The following PKN2 variants were observed in gnomAD, a reference collection of about 807,000 sequenced individuals.
The protein encoded by PKN2 is serine/threonine-protein kinase N2.
PKN2 carries 38 observed loss-of-function variants against 119.1 expected under a neutral mutation model. That is an observed-to-expected ratio of 0.32 (90% confidence interval 0.25 to 0.42). The LOEUF (loss-of-function observed/expected upper bound fraction) is 0.42. Ranked by LOEUF, PKN2 falls within the 10% of genes least tolerant of loss-of-function variation. The pLI is 1.00. For synonymous variants in PKN2, 390 were observed against 384.9 expected (o/e 1.01, Z -0.15); for missense variants, 850 against 1,165.1 (o/e 0.73, Z 3.94).
In PKN2 at chr1:88,813,641, C is replaced by A. The variant is rs756125213; in HGVS notation, c.2187C>A (p.Thr729=). The A allele has an allele frequency of 6.2e-7, 1 of 1,609,764 alleles. No individual in the cohort carries two copies. The highest frequency in any genetic ancestry group is 1.1e-5 in the South Asian group (1 of 90,302). Residue 729 remains threonine (T), a synonymous_variant, in exon 16 of 22, where the codon ACC becomes ACA. Coordinates refer to ENST00000370521, the MANE Select transcript of PKN2 (RefSeq NM_006256.4). ...FLVNLFACFQ[T]KEHVCFVMEY... ...TGAACCTTTTTGCATGTTTCCAAAC[C>A]AAAGAGCATGTTTGCTTTGTAATGG...
At position 88,833,170 on chromosome 1, in the gene PKN2, A is replaced by T; in HGVS notation, c.2751+13A>T. ...CCCATTTTTCCGGGTAAGTGTGACTATTTAAAATTTTTTATGAAACTAGAG... is the reference window on the plus strand; with the variant it reads ...CCCATTTTTCCGGGTAAGTGTGACTTTTTAAAATTTTTTATGAAACTAGAG... On this transcript the variant is annotated intron_variant, in intron 21 of 21. Transcript: ENST00000370521. 6.2e-7 allele frequency: 1 copy of T among 1,611,452 alleles called. No individual in the cohort carries two copies. Among genetic ancestry groups the T allele is most frequent in the Non-Finnish European group, 8.5e-7 (1 of 1,178,530 alleles).
At position 88,786,226 on chromosome 1, in the gene PKN2, A is replaced by T. The variant is rs776606014; in HGVS notation, c.1281+13A>T. On this transcript the variant is annotated intron_variant, in intron 8 of 21. Coordinates refer to ENST00000370521, the MANE Select transcript of PKN2 (RefSeq NM_006256.4). ...GGAACTGGACAGGGTAAGAGGACTA[A>T]CATTTTACTTGAATTTTAATTATAA... 7.2e-6 allele frequency: 9 copies of T among 1,249,630 alleles called. No homozygotes were observed. Among genetic ancestry groups the T allele is most frequent in the Non-Finnish European group, 9.2e-6 (8 of 866,288 alleles). 77.4% of individuals were successfully genotyped at this position (1,249,630 alleles called of 1,614,324 possible).
rs535440738 is a variant in PKN2, at chr1:88,796,223, T to C, written c.1282-8168T>C. ...CAAACTGATTGAGCATCTGAAAAAT[T>C]TGAAATCCCAAATCCTCCAATGAGC... is the stretch of plus-strand genomic sequence containing the variant. On this transcript the variant is annotated intron_variant, in intron 8 of 21. Transcript: ENST00000370521. Among the ~76,000 whole-genome samples the C allele has an allele frequency of 1.2e-4, 18 of 152,284 alleles. No individual in the cohort carries two copies. The East Asian group carries it at 3.3e-3, about 28-fold the overall frequency.
At chr1:88,790,197 C>T (rs942420141) in intron 8 of PKN2, among the ~76,000 whole-genome samples, 11 of 152,184 alleles carry the variant, frequency 7.2e-5, no homozygotes, top group Admixed American at 5.9e-4. Flanking sequence ...TGAGAACTCT[C>T]TTCTACATTG....
chr1:88,781,622 G>C (rs1315113786), intron 6 of PKN2, among the ~76,000 whole-genome samples: 2 of 152,022 alleles, frequency 1.3e-5, no homozygotes, highest in East Asian at 3.8e-4. Flanking sequence ...ACCTCATAAA[G>C]AAACTTCTAG....
chr1:88,738,675 T>C (rs1436356373), intron 1 of PKN2, among the ~76,000 whole-genome samples: 1 of 152,280 alleles, frequency 6.6e-6, no homozygotes, highest in Non-Finnish European at 1.5e-5. Flanking sequence ...AAGGAAATTT[T>C]GCAGACCTCT....
chr1:88,748,692 T>C (rs1440179359), intron 2 of PKN2, among the ~76,000 whole-genome samples: 2 of 152,104 alleles, frequency 1.3e-5, no homozygotes, highest in African/African-American at 4.8e-5. Context: ...CTCAGCACTT[T>C]GGGAGGTGGA....
chr1:88,760,223 T>A lies in PKN2; in HGVS notation c.351T>A (p.Asp117Glu). The change falls in exon 3 of 22, where the codon GAT becomes GAA. Residue 117 changes from aspartate (D) to glutamate (E), a missense_variant and splice_region_variant. Physicochemically the swap from Asp to Glu is conservative, Grantham distance 45. Around this residue, in one of 9 missense-constraint regions of PKN2, gnomAD observed 350 missense variants for 511.1 expected, o/e 0.68. Transcript: ENST00000370521. ...ATTTTAACAATATTTTATTTACAGA[T>A]TGCCCAAGGACTCCAGATACTCCAA... ...IVVSDPEDIT[D>E]CPRTPDTPNN... 6.6e-7 allele frequency: 1 copy of A among 1,506,552 alleles called. No homozygotes were observed. Among genetic ancestry groups the A allele is most frequent in the Non-Finnish European group, 9.1e-7 (1 of 1,099,620 alleles). The allele number at this position is 1,506,552 out of a possible 1,614,324, so 93.3% of individuals were successfully genotyped here. A position where few individuals can be genotyped will look rare whatever the true frequency, so the allele number is the denominator to read the frequency against.
At chr1:88,794,708 C>T (rs1395334275) in intron 8 of PKN2, among the ~76,000 whole-genome samples, 1 of 152,018 alleles carries the variant, frequency 6.6e-6, no homozygotes, top group African/African-American at 2.4e-5. Flanking sequence ...TTTTTATTAT[C>T]ACAAAGCTAG....
At chr1:88,791,200 G>C (rs1269778032) in intron 8 of PKN2, among the ~76,000 whole-genome samples, 1 of 152,160 alleles carries the variant, frequency 6.6e-6, no homozygotes. Context: ...CACTTCGGCA[G>C]GCCGAAGTGG....
chr1:88,823,530 C>T (rs1050218292), intron 17 of PKN2, among the ~76,000 whole-genome samples: 3 of 151,452 alleles, frequency 2.0e-5, no homozygotes, highest in Non-Finnish European at 4.4e-5. Flanking sequence ...GGTGAAAACC[C>T]ATCTCTACTG....
At chr1:88,738,176 CAAA>C (rs1668429445) in intron 1 of PKN2, among the ~76,000 whole-genome samples, 1 of 146,084 alleles carries the variant, frequency 6.8e-6, no homozygotes, top group Non-Finnish European at 1.5e-5. Context: ...AAAAAACAAA[CAAA>C]CAAAAAAAAA....
chr1:88,780,795 G>A (rs1670305918), intron 6 of PKN2, among the ~76,000 whole-genome samples: 1 of 152,088 alleles, frequency 6.6e-6, no homozygotes, highest in African/African-American at 2.4e-5. Context: ...AAGCATTTCT[G>A]AATGATCCAT....
chr1:88,805,215 A>G (rs1404357904), intron 10 of PKN2, among the ~76,000 whole-genome samples: 1 of 152,088 alleles, frequency 6.6e-6, no homozygotes, highest in Admixed American at 6.6e-5. Flanking sequence ...TGATGTATTC[A>G]TAATTATTAT....
intron 1 of PKN2, among the ~76,000 whole-genome samples, chr1:88,695,155 C>G (rs1026196850): frequency 6.6e-6 from 1 of 152,046 alleles, no homozygotes; most frequent in Non-Finnish European, 1.5e-5. Context: ...AAATGTCTGT[C>G]AGACGTCTTT....
At chr1:88,691,132 C>T (rs1468398777) in intron 1 of PKN2, among the ~76,000 whole-genome samples, 4 of 152,078 alleles carry the variant, frequency 2.6e-5, no homozygotes, top group East Asian at 1.9e-4. Context: ...GACGTGATCT[C>T]GGCTCACTGC....
intron 1 of PKN2, among the ~76,000 whole-genome samples, chr1:88,704,053 G>A (rs1666874056): frequency 6.6e-6 from 1 of 152,030 alleles, no homozygotes. Context: ...AGCTTGACAT[G>A]CTGATAACAA....
At chr1:88,722,232 A>T (rs1217943371) in intron 1 of PKN2, among the ~76,000 whole-genome samples, 1 of 152,236 alleles carries the variant, frequency 6.6e-6, no homozygotes, top group East Asian at 1.9e-4. Context: ...GAGGACAATT[A>T]TTAATAAAGT....
At chr1:88,831,306 G>A (rs1184737920) in intron 19 of PKN2, among the ~76,000 whole-genome samples, 1 of 151,500 alleles carries the variant, frequency 6.6e-6, no homozygotes, top group Non-Finnish European at 1.5e-5. Flanking sequence ...GTTCAGACTT[G>A]TAGAATGAGT....
Sources: allele counts gnomAD v4.1 joint callset (sites outside exome capture counted in the v4.1 genomes callset), GRCh38; gene constraint gnomAD v4.1.1; regional missense constraint gnomAD v4.1.1; transcripts MANE v1.5; gene names NCBI Gene and HGNC (gene_info 2026-07-23, HGNC 2026-07-21).